Variants in ACBD6 observed in about 807,000 individuals in gnomAD.
ACBD6 encodes acyl-CoA-binding domain-containing protein 6.
ACBD6 carries 28 observed loss-of-function variants against 37.2 expected under a neutral mutation model. The ratio of observed to expected loss-of-function variants is 0.75; its 90% CI spans 0.56 to 1.03. The LOEUF is 1.03. Ranked by LOEUF, ACBD6 falls within the 50% of genes least tolerant of loss-of-function variation. The pLI is 0.00. For synonymous variants in ACBD6, 113 were observed against 126.8 expected, an observed-to-expected ratio of 0.89 and a Z score of 0.73; for missense variants, 340 against 337.4, an observed-to-expected ratio of 1.01 and a Z score of -0.06.
intron 7 of ACBD6, among the ~76,000 whole-genome samples, chr1:180,305,666 G>A (rs368241048): frequency 8.5e-5 from 13 of 152,098 alleles, no homozygotes; most frequent in Non-Finnish European, 1.6e-4. Flanking sequence ...ACTGTAAACT[G>A]GTTCAACCAT....
In ACBD6 at chr1:180,335,040, G is replaced by A. The variant is rs1397115175; in HGVS notation, c.664-20318C>T. ...AAGACCAAATCTACTTCTGATTGGT[G>A]TACCTGAAAGTGATGGGGAGAAGGG... On this transcript the variant is annotated intron_variant, in intron 6 of 7. Transcript: ENST00000367595. Among the ~76,000 whole-genome samples the A allele has an allele frequency of 2.6e-5, 4 of 152,190 alleles. No homozygotes were observed. The East Asian group carries it at 5.8e-4, about 22-fold the overall frequency.
At chr1:180,482,058 G>A (rs1651070750) in intron 3 of ACBD6, among the ~76,000 whole-genome samples, 1 of 152,068 alleles carries the variant, frequency 6.6e-6, no homozygotes, top group African/African-American at 2.4e-5. Flanking sequence ...ATACCTTATA[G>A]TCAACAAAAA....
intron 6 of ACBD6, among the ~76,000 whole-genome samples, chr1:180,325,915 G>A (rs540562768): frequency 1.1e-3 from 167 of 152,278 alleles, no homozygotes; most frequent in Non-Finnish European, 2.1e-3. Flanking sequence ...GGATCCTGGG[G>A]TGGAGTGATG....
intron 2 of ACBD6, among the ~76,000 whole-genome samples, chr1:180,493,641 A>G (rs1651613851): frequency 6.6e-6 from 1 of 152,226 alleles, no homozygotes; most frequent in African/African-American, 2.4e-5. Flanking sequence ...AGATCAGCTT[A>G]CACAAACTCA....
At chr1:180,363,433 A>C (rs576758135) in intron 6 of ACBD6, among the ~76,000 whole-genome samples, 1 of 152,322 alleles carries the variant, frequency 6.6e-6, no homozygotes, top group Non-Finnish European at 1.5e-5. Flanking sequence ...AAAAGTATGG[A>C]AATTTTTCAT....
At chr1:180,437,866 G>C (rs1649113812) in intron 3 of ACBD6, among the ~76,000 whole-genome samples, 1 of 152,166 alleles carries the variant, frequency 6.6e-6, no homozygotes, top group Non-Finnish European at 1.5e-5. Flanking sequence ...AGTCTTGCAG[G>C]TATCTGGAGT....
intron 3 of ACBD6, among the ~76,000 whole-genome samples, chr1:180,460,679 C>G (rs72716607): frequency 0.16 from 24,345 of 152,222 alleles, 2,004 homozygotes; most frequent in Middle Eastern, 0.22. Context: ...CAAACCACAG[C>G]AGCCCTACAA....
chr1:180,498,642 T>C (rs775759557), intron 1 of ACBD6, among the ~76,000 whole-genome samples: 26 of 152,026 alleles, frequency 1.7e-4, no homozygotes, highest in Non-Finnish European at 2.9e-4. Flanking sequence ...TCACCTGAGA[T>C]CAGGAGACCA....
intron 3 of ACBD6, chr1:180,435,190 C>T: frequency 1.5e-6 from 1 of 685,994 alleles, no homozygotes; most frequent in Non-Finnish European, 2.7e-6. Flanking sequence ...TTCAACATCG[C>T]TGGCCTTTCC....
intron 6 of ACBD6, among the ~76,000 whole-genome samples, chr1:180,380,019 T>C (rs1032489935): frequency 2.0e-5 from 3 of 152,086 alleles, no homozygotes; most frequent in African/African-American, 7.2e-5. Context: ...TCCAGCACTT[T>C]GAGAGGTGAG....
intron 9 of ACBD6, chr1:180,275,490 G>A (rs1452476794): frequency 2.6e-5 from 4 of 152,248 alleles, no homozygotes; most frequent in African/African-American, 9.6e-5. Context: ...CCTGCAGTCT[G>A]TTCAGCCATA....
In ACBD6 at chr1:180,313,247, G is replaced by C. The variant is rs2149290324; in HGVS notation, c.694+1445C>G. On this transcript the variant is annotated intron_variant, in intron 7 of 7. Transcript: ENST00000367595. ...CTGACTCACAATTTTCCTTTCTCCT[G>C]CTGGTTTTGGTAAACAGGTTATGCT... is the stretch of plus-strand genomic sequence containing the variant. 1.3e-5 allele frequency among the ~76,000 whole-genome samples: 2 copies of C among 152,190 alleles called. 1 individual carries two copies. The highest frequency in any genetic ancestry group is 6.8e-3 in the Middle Eastern group (2 of 294).
intron 4 of ACBD6, among the ~76,000 whole-genome samples, chr1:180,416,895 T>C (rs953852345): frequency 6.6e-6 from 1 of 152,148 alleles, no homozygotes; most frequent in Admixed American, 6.5e-5. Context: ...CTACAAAAAT[T>C]ATGGAAGGAA....
chr1:180,312,211 T>C (rs927909992), intron 7 of ACBD6, among the ~76,000 whole-genome samples: 14 of 152,220 alleles, frequency 9.2e-5, no homozygotes, highest in Non-Finnish European at 1.6e-4. Context: ...TTCATTAACG[T>C]AGATTATTTC....
chr1:180,430,107 GCACATACATACAAA>G, intron 4 of ACBD6, 59 bp downstream of exon 4: 2 of 1,261,244 alleles, frequency 1.6e-6, no homozygotes, highest in Non-Finnish European at 2.3e-6. Flanking sequence ...ACATACATAA[GCACATACATACAAA>G]CACATGCACA....
intron 3 of ACBD6, chr1:180,434,813 C>A: frequency 1.4e-6 from 1 of 718,082 alleles, no homozygotes; most frequent in South Asian, 1.4e-5. Context: ...GCTGTGCCAC[C>A]CACGAATGCC....
intron 4 of ACBD6, among the ~76,000 whole-genome samples, chr1:180,421,266 G>C (rs758622677): frequency 3.9e-5 from 6 of 152,144 alleles, no homozygotes; most frequent in Non-Finnish European, 5.9e-5. Flanking sequence ...AACATGTGGT[G>C]TTTGGTTTTC....
intron 6 of ACBD6, among the ~76,000 whole-genome samples, chr1:180,384,779 G>T (rs1203602693): frequency 1.3e-5 from 2 of 152,146 alleles, no homozygotes; most frequent in Non-Finnish European, 2.9e-5. Context: ...AATGGATAAA[G>T]AAAATGTGGT....
chr1:180,419,250 CA>C (rs1054774996), intron 4 of ACBD6, among the ~76,000 whole-genome samples: 10 of 147,978 alleles, frequency 6.8e-5, no homozygotes, highest in Non-Finnish European at 1.3e-4. Context: ...GACTCCGTCT[CA>C]AAAAAAAAAT....
Sources: allele counts gnomAD v4.1 joint callset (sites outside exome capture counted in the v4.1 genomes callset), GRCh38; gene constraint gnomAD v4.1.1; transcripts MANE v1.5; gene names NCBI Gene and HGNC (gene_info 2026-07-23, HGNC 2026-07-21).